The following CACNA1H variants were observed in gnomAD, a reference collection of about 807,000 sequenced individuals.
The protein encoded by CACNA1H is voltage-dependent T-type calcium channel subunit alpha-1H.
CACNA1H carries 149 observed loss-of-function variants against 192.5 expected under a neutral mutation model. The observed-to-expected ratio is 0.77, with a 90% CI of 0.68 to 0.89. The LOEUF (loss-of-function observed/expected upper bound fraction) is 0.89. Ranked by LOEUF, CACNA1H falls within the 40% of genes least tolerant of loss-of-function variation. The pLI is 0.00. For synonymous variants in CACNA1H, 2,202 were observed against 1,475.2 expected (o/e 1.49, Z -11.29); for missense variants, 4,257 against 3,423.5 (o/e 1.24, Z -6.08).
intron 2 of CACNA1H, among the ~76,000 whole-genome samples, chr16:1,162,039 G>A (rs912872601): frequency 6.6e-6 from 1 of 152,182 alleles, no homozygotes; most frequent in Non-Finnish European, 1.5e-5. Context: ...CCCTGTCGGG[G>A]TCGTGTCACC....
chr16:1,218,299 G>C lies in CACNA1H; in HGVS notation c.5535G>C (p.Leu1845=). The C allele has an allele frequency of 6.4e-7, 1 of 1,554,626 alleles. No individual in the cohort carries two copies. The highest frequency in any genetic ancestry group is 8.7e-7 in the Non-Finnish European group (1 of 1,149,408). The change falls in exon 33 of 35, where the codon CTG becomes CTC. Residue 1845 remains leucine (L), a synonymous_variant. Transcript: ENST00000348261. ...CCGTCTACTTCGTGACCTTCGTGCT[G>C]GTGGCCCAGTTCGTGCTGGTGAACG... is the stretch of plus-strand genomic sequence containing the variant. ...LSPVYFVTFV[L]VAQFVLVNVV...
At position 1,216,936 on chromosome 16, in the gene CACNA1H, G is replaced by A. The variant is rs751870079; in HGVS notation, c.5249G>A (p.Gly1750Glu). The change falls in exon 31 of 35, where the codon GGG becomes GAG. Residue 1750 changes from glycine (G) to glutamate (E), a missense_variant. Coordinates refer to ENST00000348261, the MANE Select transcript of CACNA1H (RefSeq NM_021098.3). Reference protein sequence around the residue: ...DTVVQALPQVGNLGLLFMLLF... With the variant: ...DTVVQALPQVENLGLLFMLLF... Reference sequence around the variant, plus strand: ...CTCTGCTTCTCTCTTGTGTAGGTGGGGAACCTGGGCCTTCTTTTCATGCTC... The same window carrying A: ...CTCTGCTTCTCTCTTGTGTAGGTGGAGAACCTGGGCCTTCTTTTCATGCTC... The A allele has an allele frequency of 4.4e-6, 7 of 1,602,102 alleles. No homozygotes were observed. The highest frequency in any genetic ancestry group is 6.0e-6 in the Non-Finnish European group (7 of 1,174,488).
chr16:1,204,547 T>G, intron 10 of CACNA1H, 89 bp downstream of exon 10: 1 of 1,041,804 alleles, frequency 9.6e-7, no homozygotes, highest in South Asian at 1.7e-5. Context: ...CCCCGATGCC[T>G]GACCTGATGG....
rs933712532 is a variant in CACNA1H at position 1,214,256 on chromosome 16, G to A, written c.4929+325G>A. ...GCGGGAGCCAGGCAGGCCTGAGGTG[G>A]AGTTTTTCTTTATTCGGGTCCCCCT... On this transcript the variant is annotated intron_variant, in intron 27 of 34. Transcript: ENST00000348261. Among the ~76,000 whole-genome samples the A allele has an allele frequency of 4.6e-5, 7 of 152,278 alleles. No homozygotes were observed. The South Asian group carries it at 1.4e-3, about 32-fold the overall frequency.
Position 1,210,627 on chromosome 16 carries a change from C to G in CACNA1H, c.4014C>G (p.Ile1338Met). ...TCTCCAATTACATCTTCACGGCCAT[C>G]TTCGTGGCGGAGATGATGGTGAAGG... ...LSVSNYIFTAIFVAEMMVKVV... is the reference protein window; with the variant it reads ...LSVSNYIFTAMFVAEMMVKVV... Residue 1338 changes from isoleucine to methionine, a missense_variant, in exon 20 of 35, where the codon ATC (isoleucine) becomes ATG (methionine). Physicochemically the swap from Ile to Met is conservative, Grantham distance 10 (BLOSUM62 1). Coordinates refer to ENST00000348261, the MANE Select transcript of CACNA1H (RefSeq NM_021098.3). The G allele has an allele frequency of 6.2e-7, 1 of 1,606,242 alleles. No individual in the cohort carries two copies. Among genetic ancestry groups the G allele is most frequent in the Non-Finnish European group, 8.5e-7 (1 of 1,179,782 alleles).
At chr16:1,187,204 A>G (rs561956570) in intron 2 of CACNA1H, among the ~76,000 whole-genome samples, 69 of 152,316 alleles carry the variant, frequency 4.5e-4, no homozygotes, top group African/African-American at 1.6e-3. Flanking sequence ...AGGGGCCGGG[A>G]GGGGAGGAGG....
intron 10 of CACNA1H, among the ~76,000 whole-genome samples, chr16:1,204,680 T>A (rs553170137): frequency 6.6e-6 from 1 of 151,282 alleles, no homozygotes; most frequent in Non-Finnish European, 1.5e-5. Flanking sequence ...GGCAGCTGAT[T>A]AGGCTCCTTT....
intron 2 of CACNA1H, among the ~76,000 whole-genome samples, chr16:1,163,643 G>A (rs1963453437): frequency 6.6e-6 from 1 of 152,242 alleles, no homozygotes; most frequent in Admixed American, 6.5e-5. Flanking sequence ...CTGCATTAGC[G>A]CCTCATTGAA....
chr16:1,214,942 A>G lies in CACNA1H; in HGVS notation c.4930-30A>G, dbSNP rs1377445534. ...GGGGAAGAGGGGTGGCCCCAGCCCC[A>G]CCTCAGCCAGCCCGACCCTCCACCC... On this transcript the variant is annotated intron_variant, in intron 27 of 34. Transcript: ENST00000348261. 4 of 1,513,854 alleles carry G rather than the reference A, an allele frequency of 2.6e-6. No homozygotes were observed. In the South Asian group the frequency reaches 4.7e-5, roughly 18 times the overall value. 93.8% of individuals were successfully genotyped at this position (1,513,854 alleles called of 1,614,324 possible). A position where few individuals can be genotyped will look rare whatever the true frequency, so the allele number is the denominator to read the frequency against.
chr16:1,220,426 C>A lies in CACNA1H; in HGVS notation c.6494C>A (p.Pro2165His). 6.5e-7 allele frequency: 1 copy of A among 1,533,810 alleles called. No homozygotes were observed. Among genetic ancestry groups the A allele is most frequent in the South Asian group, 1.3e-5 (1 of 77,620 alleles). Residue 2165 changes from proline (P) to histidine (H), a missense_variant, in exon 35 of 35, where the codon CCT becomes CAT. Pro to His is a moderately conservative substitution (Grantham distance 77). Coordinates refer to ENST00000348261, the MANE Select transcript of CACNA1H (RefSeq NM_021098.3). ...RPSAELGSGEPGEAKAWGPEA... is the reference protein window; with the variant it reads ...RPSAELGSGEHGEAKAWGPEA... ...TCGGCGGAGCTGGGCAGCGGGGAGC[C>A]TGGGGAGGCGAAGGCCTGGGGCCCT...
intron 11 of CACNA1H, among the ~76,000 whole-genome samples, chr16:1,205,756 C>T (rs560864018): frequency 6.6e-6 from 1 of 152,176 alleles, no homozygotes; most frequent in Non-Finnish European, 1.5e-5. Flanking sequence ...GGTCTCCCAT[C>T]CTGGGGCGGG....
At position 1,220,838 on chromosome 16, in the gene CACNA1H, C is replaced by T. The variant is rs1386732308; in HGVS notation, c.6906C>T (p.Pro2302=). 1.9e-6 allele frequency: 3 copies of T among 1,612,770 alleles called. No individual in the cohort carries two copies. The highest frequency in any genetic ancestry group is 1.7e-5 in the Admixed American group (1 of 60,020). The change falls in exon 35 of 35, where the codon CCC becomes CCT. Residue 2302 remains proline (P), a synonymous_variant. Transcript: ENST00000348261. The part of the protein sequence containing the change: ...SRASSSGAIV[P]LEPPESEPPM... Reference sequence around the variant, plus strand: ...CTTCCTCTTCAGGGGCCATAGTGCCCCTGGAACCCCCAGAATCAGAGCCTC... The same window carrying T: ...CTTCCTCTTCAGGGGCCATAGTGCCTCTGGAACCCCCAGAATCAGAGCCTC...
In CACNA1H at chr16:1,201,797, C is replaced by T. The variant is rs1281029755; in HGVS notation, c.1347C>T (p.Ser449=). ...RHLSNDSTLA[S]FSEPGSCYEE... ...TGTCCAACGACAGCACGCTGGCCAG[C>T]TTCTCCGAGCCTGGCAGCTGCTACG... Residue 449 remains serine, a synonymous_variant, in exon 9 of 35, where the codon AGC becomes AGT. Transcript: ENST00000348261. The T allele has an allele frequency of 1.3e-6, 2 of 1,594,566 alleles. No homozygotes were observed. The highest frequency in any genetic ancestry group is 1.7e-6 in the Non-Finnish European group (2 of 1,171,668).
chr16:1,202,257 AGACTGGCCACAG>A lies in CACNA1H; in HGVS notation c.1809_1820del (p.Ala605_Leu608del). ...CGCAGCCACTGCCGCTGCCAGCCTCAGACTGGCCACAGGGCTGGGCACCATGAACTACCCCAC... is the reference window on the plus strand; with the variant it reads ...CGCAGCCACTGCCGCTGCCAGCCTCAGGCTGGGCACCATGAACTACCCCAC... On this transcript the variant is annotated inframe_deletion, in exon 9 of 35. Coordinates refer to ENST00000348261, the MANE Select transcript of CACNA1H (RefSeq NM_021098.3). 3 of 1,571,768 alleles carry A rather than the reference AGACTGGCCACAG, an allele frequency of 1.9e-6. No individual in the cohort carries two copies. Among genetic ancestry groups the A allele is most frequent in the Non-Finnish European group, 2.6e-6 (3 of 1,160,674 alleles).
At position 1,183,010 on chromosome 16, in the gene CACNA1H, A is replaced by G. The variant is rs371872823; in HGVS notation, c.300-11962A>G. Among the ~76,000 whole-genome samples, 755 of 151,742 alleles carry G rather than the reference A, an allele frequency of 5.0e-3. 3 individuals are homozygous for G. Among genetic ancestry groups the G allele is most frequent in the African/African-American group, 0.018 (731 of 41,342 alleles). On this transcript the variant is annotated intron_variant, in intron 2 of 34. Transcript: ENST00000348261. Reference sequence around the variant, plus strand: ...GGACAACTGGGTTTCCAGGGCTGGTACAGGTACCTGTGAAGGAGGTCTGGG... The same window carrying G: ...GGACAACTGGGTTTCCAGGGCTGGTGCAGGTACCTGTGAAGGAGGTCTGGG...
intron 16 of CACNA1H, 131 bp from the exon 17 acceptor site, chr16:1,208,901 C>T (rs1969084110): frequency 1.0e-6 from 1 of 996,332 alleles, no homozygotes; most frequent in Non-Finnish European, 1.4e-6. Context: ...TCACAGCCTC[C>T]ACCGTGCCTC....
rs1220022250 is a variant in CACNA1H, at chr16:1,167,164, C to T, written c.299+13128C>T. Among the ~76,000 whole-genome samples the T allele has an allele frequency of 1.3e-5, 2 of 152,208 alleles. 1 individual carries two copies. Among genetic ancestry groups the T allele is most frequent in the South Asian group, 4.1e-4 (2 of 4,834 alleles). On this transcript the variant is annotated intron_variant, in intron 2 of 34. Coordinates refer to ENST00000348261, the MANE Select transcript of CACNA1H (RefSeq NM_021098.3). This position sits in a 1 kb window ranked among gnomAD's most constrained non-coding sequence, Gnocchi z 4.2. Reference sequence around the variant, plus strand: ...TTTCCTCGCCGACCCTTTGGGGCGTCTCCCATCGGGAAATGGCAGCCCCTG... The same window carrying T: ...TTTCCTCGCCGACCCTTTGGGGCGTTTCCCATCGGGAAATGGCAGCCCCTG...
intron 2 of CACNA1H, among the ~76,000 whole-genome samples, chr16:1,177,721 G>A (rs561612223): frequency 9.2e-5 from 14 of 152,026 alleles, no homozygotes; most frequent in South Asian, 2.1e-4. Flanking sequence ...GGGGCTCCAC[G>A]GGGGCCACTT....
At chr16:1,164,586 T>A (rs953825537) in intron 2 of CACNA1H, among the ~76,000 whole-genome samples, 3 of 152,190 alleles carry the variant, frequency 2.0e-5, no homozygotes, top group Non-Finnish European at 2.9e-5. Flanking sequence ...ACAGGGGCGA[T>A]TTGGACCCCG....
Sources: allele counts gnomAD v4.1 joint callset (sites outside exome capture counted in the v4.1 genomes callset), GRCh38; gene constraint gnomAD v4.1.1; non-coding constraint Gnocchi (gnomAD v3.1); transcripts MANE v1.5; gene names NCBI Gene and HGNC (gene_info 2026-07-23, HGNC 2026-07-21).